The following WDPCP variants were observed in gnomAD, a reference collection of about 807,000 sequenced individuals.
WDPCP encodes WD repeat-containing and planar cell polarity effector protein fritz homolog.
In WDPCP, 71 loss-of-function variants were observed where a neutral mutation model predicts 93.1. That is an observed-to-expected ratio of 0.76 (90% CI 0.63 to 0.93). WDPCP has a LOEUF of 0.93. WDPCP is among the 40% of genes least tolerant of loss of function. The pLI, the probability that WDPCP is intolerant of heterozygous loss-of-function variation, is 0.00. For synonymous variants in WDPCP, 315 were observed against 315.0 expected (o/e 1.00, Z 0.00); for missense variants, 844 against 887.4 (o/e 0.95, Z 0.62).
At chr2:63,229,748 A>G (rs1169782130) in intron 14 of WDPCP, 3 of 152,012 alleles carry the variant, frequency 2.0e-5, no homozygotes, top group Admixed American at 1.3e-4. Context: ...AGTTGTAGAT[A>G]TGCGGCATTA....
rs915281552 is a variant in WDPCP, at chr2:63,375,393, T to TATC, written c.1748+2990_1748+2992dup. On this transcript the variant is annotated intron_variant, in intron 12 of 17. Coordinates refer to ENST00000272321, the MANE Select transcript of WDPCP (RefSeq NM_015910.7). ...TTTAATGATTTTATAAATTAGATTC[T>TATC]ATCATCTCTTTAAAATTTTATTATA... is the stretch of plus-strand genomic sequence containing the variant. Among the ~76,000 whole-genome samples, 17 of 152,096 alleles carry TATC rather than the reference T, an allele frequency of 1.1e-4. 1 individual carries two copies. Among genetic ancestry groups the TATC allele is most frequent in the African/African-American group, 3.8e-4 (16 of 41,568 alleles).
At chr2:63,501,001 G>A (rs1701515964) in intron 1 of WDPCP, among the ~76,000 whole-genome samples, 1 of 152,096 alleles carries the variant, frequency 6.6e-6, no homozygotes, top group Non-Finnish European at 1.5e-5. Flanking sequence ...GGCATATAAA[G>A]TTCTAAATCA....
intron 12 of WDPCP, among the ~76,000 whole-genome samples, chr2:63,374,636 T>A (rs1691696393): frequency 6.6e-6 from 1 of 152,222 alleles, no homozygotes; most frequent in Non-Finnish European, 1.5e-5. Flanking sequence ...CTATCATATA[T>A]ATTTTACATA....
chr2:63,658,744 G>C lies in WDPCP; in HGVS notation n.309-7906C>G, dbSNP rs149431612. Among the ~76,000 whole-genome samples the C allele has an allele frequency of 2.4e-3, 370 of 152,276 alleles. 3 individuals are homozygous for C. Among genetic ancestry groups the C allele is most frequent in the African/African-American group, 8.5e-3 (352 of 41,550 alleles). On this transcript the variant is annotated intron_variant and non_coding_transcript_variant, in intron 2 of 4. Transcript: ENST00000467687. ...AGTCCTGTGATTTATTGGGTTGCTG[G>C]ATCCAAGTGTTTCTGGGAATCCCTG...
chr2:63,485,948 G>C (rs1035793642), intron 4 of WDPCP, among the ~76,000 whole-genome samples: 3 of 151,698 alleles, frequency 2.0e-5, no homozygotes, highest in African/African-American at 4.8e-5. Context: ...TTTTAAATCT[G>C]TGTTGCAGCT....
chr2:63,715,763 A>T (rs1669328544), intron 2 of WDPCP, among the ~76,000 whole-genome samples: 1 of 152,236 alleles, frequency 6.6e-6, no homozygotes, highest in South Asian at 2.1e-4. Context: ...AGATAAAGTC[A>T]AGAATTCTCT....
chr2:63,148,950 T>G (rs917069285), intron 17 of WDPCP, among the ~76,000 whole-genome samples: 1 of 151,890 alleles, frequency 6.6e-6, no homozygotes. Context: ...TAAAAGGAGA[T>G]TATCTGTATG....
chr2:63,681,893 C>T (rs1668703553), intron 2 of WDPCP, among the ~76,000 whole-genome samples: 1 of 152,194 alleles, frequency 6.6e-6, no homozygotes, highest in Admixed American at 6.5e-5. Flanking sequence ...AGAGTCGCTG[C>T]CTGGTTATCC....
chr2:63,803,445 T>C (rs773103550), intron 2 of WDPCP, among the ~76,000 whole-genome samples: 54 of 152,192 alleles, frequency 3.5e-4, no homozygotes, highest in Non-Finnish European at 5.7e-4. Context: ...TGTTAAATAA[T>C]ATGGAACTAG....
At chr2:63,531,157 C>G (rs1329100312) in intron 1 of WDPCP, among the ~76,000 whole-genome samples, 1 of 152,262 alleles carries the variant, frequency 6.6e-6, no homozygotes, top group Non-Finnish European at 1.5e-5. Flanking sequence ...TCTGCCATTG[C>G]AGAGGCTTGA....
At chr2:63,129,757 C>T (rs1420252996) in intron 17 of WDPCP, among the ~76,000 whole-genome samples, 1 of 152,166 alleles carries the variant, frequency 6.6e-6, no homozygotes, top group African/African-American at 2.4e-5. Context: ...CCTAGAGATA[C>T]TAAAATCTGC....
intron 1 of WDPCP, among the ~76,000 whole-genome samples, chr2:63,587,683 T>A (rs1340339368): frequency 6.6e-6 from 1 of 152,248 alleles, no homozygotes; most frequent in Non-Finnish European, 1.5e-5. Flanking sequence ...GCAATTCTCT[T>A]GGCAGCATTA....
chr2:63,772,970 T>C (rs1389300553), intron 2 of WDPCP, among the ~76,000 whole-genome samples: 2 of 152,026 alleles, frequency 1.3e-5, no homozygotes, highest in Admixed American at 6.6e-5. Context: ...AAAACAAAAG[T>C]ATTAGAATGA....
intron 14 of WDPCP, among the ~76,000 whole-genome samples, chr2:63,226,652 A>G (rs1447258826): frequency 6.6e-6 from 1 of 151,886 alleles, no homozygotes; most frequent in Non-Finnish European, 1.5e-5. Flanking sequence ...TACACACTTT[A>G]CAAAATAATG....
intron 2 of WDPCP, among the ~76,000 whole-genome samples, chr2:63,764,627 A>G (rs1170688484): frequency 6.6e-6 from 1 of 152,164 alleles, no homozygotes; most frequent in Non-Finnish European, 1.5e-5. Context: ...AGCCACAAAC[A>G]CTACACACTG....
intron 2 of WDPCP, among the ~76,000 whole-genome samples, chr2:63,683,722 G>A (rs575722375): frequency 1.5e-4 from 23 of 152,110 alleles, no homozygotes; most frequent in Admixed American, 4.6e-4. Flanking sequence ...GGTGGCATGC[G>A]CCTGTAGTCC....
At chr2:63,366,559 G>A (rs958506185) in intron 12 of WDPCP, among the ~76,000 whole-genome samples, 1 of 152,038 alleles carries the variant, frequency 6.6e-6, no homozygotes, top group African/African-American at 2.4e-5. Flanking sequence ...TTAAATTCTT[G>A]TTACATGGAT....
intron 6 of WDPCP, among the ~76,000 whole-genome samples, chr2:63,482,100 C>A (rs202073285): frequency 6.6e-6 from 1 of 151,984 alleles, no homozygotes. Flanking sequence ...TGAAAACTCA[C>A]TGTTTGACAC....
chr2:63,166,548 G>A (rs1035758420), intron 15 of WDPCP, among the ~76,000 whole-genome samples: 1 of 151,854 alleles, frequency 6.6e-6, no homozygotes, highest in Non-Finnish European at 1.5e-5. Flanking sequence ...GTTCCACCAC[G>A]CCTGGCTAAT....
Sources: allele counts gnomAD v4.1 joint callset (sites outside exome capture counted in the v4.1 genomes callset), GRCh38; gene constraint gnomAD v4.1.1; transcripts MANE v1.5; gene names NCBI Gene and HGNC (gene_info 2026-07-23, HGNC 2026-07-21).